CALN1: variants seen among roughly 807,000 people sequenced by gnomAD.
CALN1 encodes calcium-binding protein 8.
Under a neutral mutation model 30.6 loss-of-function variants are expected in CALN1, and 17 were observed. That is an observed-to-expected ratio of 0.56 (90% confidence interval 0.38 to 0.83). The LOEUF (loss-of-function observed/expected upper bound fraction) is 0.83, where lower values mean the gene tolerates loss of function less well. CALN1 is among the 40% of genes least tolerant of loss of function. CALN1 has a pLI of 0.00. For synonymous variants in CALN1, 156 were observed against 131.4 expected (o/e 1.19, Z -1.28); for missense variants, 291 against 354.9 (o/e 0.82, Z 1.45).
intron 2 of CALN1, among the ~76,000 whole-genome samples, chr7:72,329,047 A>C: frequency 6.6e-6 from 1 of 152,224 alleles, no homozygotes; most frequent in South Asian, 2.1e-4. Context: ...ATGTGTGTTC[A>C]TTTGCAAAAC....
intron 6 of CALN1, among the ~76,000 whole-genome samples, chr7:71,803,042 G>GA (rs1301018760): frequency 2.0e-5 from 3 of 151,394 alleles, no homozygotes; most frequent in East Asian, 1.9e-4. Flanking sequence ...AAAAGAAAAA[G>GA]AAAAAAAAGT....
At position 71,779,541 on chromosome 7, in the gene CALN1, T is replaced by C. The variant is rs1245644095; in HGVS notation, c.*8234A>G. The C allele has an allele frequency of 1.3e-5, 2 of 152,154 alleles. No individual in the cohort carries two copies. The highest frequency in any genetic ancestry group is 3.8e-4 in the East Asian group (2 of 5,198). The allele number at this position is 152,154 out of a possible 1,614,324, so 9.4% of individuals were successfully genotyped here. A position where few individuals can be genotyped will look rare whatever the true frequency, so the allele number is the denominator to read the frequency against. ...TTTCTATTGCATAAATAATGGTAAATTAGACTCTTTTTATACAGATTATAT... is the reference window on the plus strand; with the variant it reads ...TTTCTATTGCATAAATAATGGTAAACTAGACTCTTTTTATACAGATTATAT... On this transcript the variant is annotated 3_prime_UTR_variant, in exon 7 of 7. Coordinates refer to ENST00000395275, the MANE Select transcript of CALN1 (RefSeq NM_031468.4).
rs188240241 is a variant in CALN1, at chr7:72,197,914, G to A, written c.244+80772C>T. 9.9e-5 allele frequency among the ~76,000 whole-genome samples: 15 copies of A among 152,078 alleles called. No homozygotes were observed. In the East Asian group the frequency reaches 2.7e-3, roughly 27 times the overall value. On this transcript the variant is annotated intron_variant, in intron 3 of 6. Coordinates refer to ENST00000395275, the MANE Select transcript of CALN1 (RefSeq NM_031468.4). Reference sequence around the variant, plus strand: ...AAAAATAAATGTAAAAAAGAACGTGGCCTGCAGAGTTTCTGCATTGAGGAA... The same window carrying A: ...AAAAATAAATGTAAAAAAGAACGTGACCTGCAGAGTTTCTGCATTGAGGAA...
intron 3 of CALN1, among the ~76,000 whole-genome samples, chr7:72,160,526 A>G (rs1056778894): frequency 2.1e-4 from 32 of 151,988 alleles, no homozygotes; most frequent in Middle Eastern, 3.4e-3. Context: ...TGATCTGCCC[A>G]CCTCGACCCC....
rs113213573 is a variant in CALN1, at chr7:72,345,301, T to TA, written c.119+57949dup. On this transcript the variant is annotated intron_variant, in intron 2 of 6. Transcript: ENST00000395275. ...TTGAAACTGCACATGGTGAATGGTT[T>TA]AAAAAAAAAAATAGCAAGAGAAGGA... is the stretch of plus-strand genomic sequence containing the variant. 3.1e-3 allele frequency among the ~76,000 whole-genome samples: 397 copies of TA among 127,670 alleles called. 1 individual carries two copies. The highest frequency in any genetic ancestry group is 4.2e-3 in the Non-Finnish European group (258 of 61,282). 83.8% of individuals were successfully genotyped at this position (127,670 alleles called of 152,430 possible).
intron 3 of CALN1, among the ~76,000 whole-genome samples, chr7:72,206,688 A>G (rs531888570): frequency 2.2e-4 from 33 of 152,174 alleles, no homozygotes; most frequent in Non-Finnish European, 3.8e-4. Flanking sequence ...TTTTGTTTTC[A>G]AAGAAAAAAA....
chr7:71,840,021 T>A (rs1184566268), intron 5 of CALN1, among the ~76,000 whole-genome samples: 1 of 152,162 alleles, frequency 6.6e-6, no homozygotes, highest in Non-Finnish European at 1.5e-5. Context: ...GCTCAAAGAA[T>A]CTGGGTTACT....
At chr7:71,814,350 C>A (rs1304864949) in intron 5 of CALN1, among the ~76,000 whole-genome samples, 1 of 152,076 alleles carries the variant, frequency 6.6e-6, no homozygotes, top group Non-Finnish European at 1.5e-5. Flanking sequence ...TGTTTCCATA[C>A]CAAGAAGAGC....
chr7:71,996,585 G>C (rs1426323957), intron 5 of CALN1, among the ~76,000 whole-genome samples: 1 of 152,178 alleles, frequency 6.6e-6, no homozygotes, highest in Non-Finnish European at 1.5e-5. Flanking sequence ...TGTCTGCATA[G>C]TATTCCGTGG....
At chr7:72,145,698 T>A (rs895076691) in intron 3 of CALN1, among the ~76,000 whole-genome samples, 2 of 152,170 alleles carry the variant, frequency 1.3e-5, no homozygotes, top group Non-Finnish European at 2.9e-5. Flanking sequence ...ATATCCCGGA[T>A]GAACATCGAT....
intron 4 of CALN1, among the ~76,000 whole-genome samples, chr7:72,059,127 G>A (rs571966963): frequency 9.2e-5 from 14 of 152,214 alleles, no homozygotes; most frequent in African/African-American, 2.4e-4. Flanking sequence ...CTTTTAAATC[G>A]TCAGTTTCAG....
chr7:72,280,160 T>A (rs928286933), intron 2 of CALN1, among the ~76,000 whole-genome samples: 4 of 152,204 alleles, frequency 2.6e-5, no homozygotes, highest in Non-Finnish European at 5.9e-5. Context: ...GAATTAATTA[T>A]CTTCCTACAA....
chr7:72,043,933 G>C (rs1407787148), intron 4 of CALN1, among the ~76,000 whole-genome samples: 4 of 152,154 alleles, frequency 2.6e-5, no homozygotes, highest in Non-Finnish European at 4.4e-5. Flanking sequence ...GATGTTGGCA[G>C]GCAAAGGAGA....
intron 2 of CALN1, among the ~76,000 whole-genome samples, chr7:72,396,122 G>A (rs944357434): frequency 5.3e-5 from 8 of 150,696 alleles, no homozygotes; most frequent in Admixed American, 1.3e-4. Flanking sequence ...GTCAGGCCGG[G>A]CACAGTGTCT....
At position 72,412,318 on chromosome 7, in the gene CALN1, G is replaced by A. The variant is rs147797294; in HGVS notation, c.-334C>T. 8 of 152,262 alleles carry A rather than the reference G, an allele frequency of 5.3e-5. No individual in the cohort carries two copies. The East Asian group carries it at 5.8e-4, about 11-fold the overall frequency. 9.4% of individuals were successfully genotyped at this position (152,262 alleles called of 1,614,324 possible). ...AAAGAAAAAAACACAAACTCAAGCG[G>A]ATAGCACCCCAGCGAGCTTCCCCAG... On this transcript the variant is annotated 5_prime_UTR_variant, in exon 1 of 7. Coordinates refer to ENST00000395275, the MANE Select transcript of CALN1 (RefSeq NM_031468.4).
chr7:72,375,518 A>T lies in CALN1; in HGVS notation c.119+27733T>A, dbSNP rs184444287. Among the ~76,000 whole-genome samples, 4 of 150,792 alleles carry T rather than the reference A, an allele frequency of 2.7e-5. No individual in the cohort carries two copies. The East Asian group carries it at 7.8e-4, about 29-fold the overall frequency. ...GAGGTCGAGGCTGCAGTGAGCTGTG[A>T]CTGCACCACTGTACTCCACCCTGGC... On this transcript the variant is annotated intron_variant, in intron 2 of 6. Transcript: ENST00000395275.
At chr7:71,967,595 C>A in intron 5 of CALN1, among the ~76,000 whole-genome samples, 1 of 142,842 alleles carries the variant, frequency 7.0e-6, no homozygotes, top group African/African-American at 2.6e-5. Context: ...CACTGCACTC[C>A]AGCCTGGGCG....
chr7:72,364,535 A>C (rs1255350689), intron 2 of CALN1, among the ~76,000 whole-genome samples: 2 of 152,196 alleles, frequency 1.3e-5, no homozygotes, highest in Admixed American at 6.5e-5. Context: ...CTTTTAACTA[A>C]TATAGCACAA....
chr7:72,152,193 G>A (rs995523118), intron 3 of CALN1, among the ~76,000 whole-genome samples: 39 of 152,036 alleles, frequency 2.6e-4, no homozygotes, highest in African/African-American at 8.0e-4. Context: ...GGTGTGAGCC[G>A]CCATCCCTGG....
Sources: gnomAD v4.1 joint callset for allele counts (sites outside exome capture counted in the v4.1 genomes callset) on GRCh38, gnomAD v4.1.1 for gene constraint, MANE v1.5 for transcripts, NCBI Gene and HGNC (gene_info 2026-07-23, HGNC 2026-07-21) for gene names.